The following ZNF106 variants were observed in gnomAD, a reference collection of about 807,000 sequenced individuals.
The protein encoded by ZNF106 is SH3-domain binding protein 3.
Under a neutral mutation model 195.1 loss-of-function variants are expected in ZNF106, and 67 were observed. The observed-to-expected ratio is 0.34, with a 90% CI of 0.28 to 0.42. The LOEUF is 0.42. Among genes scored for constraint, ZNF106 ranks in the 10% least tolerant of loss-of-function variants. The pLI, the probability that ZNF106 is intolerant of heterozygous loss-of-function variation, is 1.00. For synonymous variants in ZNF106, 784 were observed against 818.6 expected (o/e 0.96, Z 0.72); for missense variants, 2,118 against 2,304.5 (o/e 0.92, Z 1.66).
intron 1 of ZNF106, among the ~76,000 whole-genome samples, chr15:42,476,884 T>C (rs1249823229): frequency 6.6e-6 from 1 of 152,186 alleles, no homozygotes; most frequent in Non-Finnish European, 1.5e-5. Context: ...TTTCTCTAGC[T>C]TACTTTAAGG....
chr15:42,456,997 T>A lies in ZNF106; in HGVS notation c.278A>T (p.Glu93Val). The change falls in exon 4 of 22, where the codon GAA becomes GTA. Residue 93 changes from glutamate to valine, a missense_variant. By Grantham distance (121) the Glu-to-Val change is moderately radical (BLOSUM62 -2). Transcript: ENST00000564754. ...CCTTTGTTTTATTAACTGAATGAGTTCCTTGTCAAAATAATCTTCTTCCTC... is the reference window on the plus strand; with the variant it reads ...CCTTTGTTTTATTAACTGAATGAGTACCTTGTCAAAATAATCTTCTTCCTC... Reference protein sequence around the residue: ...EEEEEDYFDKELIQLIKQRKE... With the variant: ...EEEEEDYFDKVLIQLIKQRKE... 1 of 1,612,230 alleles carries A rather than the reference T, an allele frequency of 6.2e-7. No homozygotes were observed. Among genetic ancestry groups the A allele is most frequent in the Non-Finnish European group, 8.5e-7 (1 of 1,178,848 alleles).
chr15:42,454,627 T>C (rs2056163857), intron 4 of ZNF106, among the ~76,000 whole-genome samples: 1 of 151,942 alleles, frequency 6.6e-6, no homozygotes, highest in Non-Finnish European at 1.5e-5. Context: ...CTCATGCCTG[T>C]AATCTCAGCA....
chr15:42,424,154 C>T (rs2054768738), intron 16 of ZNF106, 94 bp from the exon 17 acceptor site: 1 of 1,117,200 alleles, frequency 9.0e-7, no homozygotes, highest in Non-Finnish European at 1.3e-6. Context: ...AATTTCCATC[C>T]TATTTTGAGA....
intron 9 of ZNF106, 146 bp downstream of exon 9, chr15:42,444,056 G>T: frequency 1.9e-6 from 1 of 536,958 alleles, no homozygotes; most frequent in Non-Finnish European, 3.2e-6. Context: ...AGGTTGCAGT[G>T]AGCAGAGATT....
chr15:42,483,497 T>A (rs2056948575), intron 1 of ZNF106, among the ~76,000 whole-genome samples: 2 of 152,148 alleles, frequency 1.3e-5, no homozygotes, highest in South Asian at 2.1e-4. Flanking sequence ...CCAGCCTACC[T>A]CAATTTTACG....
chr15:42,484,875 G>A (rs2056975841), intron 1 of ZNF106, among the ~76,000 whole-genome samples: 1 of 152,058 alleles, frequency 6.6e-6, no homozygotes, highest in Non-Finnish European at 1.5e-5. Context: ...AATACTCTGT[G>A]TTGACCAGGC....
intron 3 of ZNF106, among the ~76,000 whole-genome samples, chr15:42,457,748 CT>C: frequency 6.6e-6 from 1 of 152,286 alleles, no homozygotes; most frequent in Middle Eastern, 3.4e-3. Flanking sequence ...GATCTACATT[CT>C]GCTTCAGAAG....
Position 42,417,967 on chromosome 15 carries a change from A to T in ZNF106, c.5518-16T>A. ...AACCATGCCACTGGAGAGAAAGAAA[A>T]TGAGGAGACTCGGTGAAAAAGGGTG... On this transcript the variant is annotated splice_polypyrimidine_tract_variant and intron_variant, in intron 20 of 21. Transcript: ENST00000564754. The T allele has an allele frequency of 6.2e-7, 1 of 1,608,920 alleles. No individual in the cohort carries two copies. Among genetic ancestry groups the T allele is most frequent in the Non-Finnish European group, 8.5e-7 (1 of 1,177,614 alleles).
chr15:42,426,897 C>T (rs895139096), intron 15 of ZNF106, among the ~76,000 whole-genome samples: 2 of 152,160 alleles, frequency 1.3e-5, no homozygotes, highest in African/African-American at 4.8e-5. Context: ...TGTATCATAT[C>T]GAACAGACCA....
chr15:42,446,713 G>T lies in ZNF106; in HGVS notation c.3136-55C>A. 9.1e-6 allele frequency: 13 copies of T among 1,434,612 alleles called. No homozygotes were observed. In the South Asian group the frequency reaches 1.5e-4, roughly 17 times the overall value. The allele number at this position is 1,434,612 out of a possible 1,614,324, so 88.9% of individuals were successfully genotyped here. A position where few individuals can be genotyped will look rare whatever the true frequency, so the allele number is the denominator to read the frequency against. On this transcript the variant is annotated intron_variant, in intron 6 of 21. Coordinates refer to ENST00000564754, the MANE Select transcript of ZNF106 (RefSeq NM_001366845.3). ...CCAATGTGTAAAAGCCATTATCCAA[G>T]AGGAGAAAAAGGAATCAATTCTAAG...
In ZNF106 at chr15:42,424,993, A is replaced by G; in HGVS notation, c.5031T>C (p.His1677=). 6 of 1,614,218 alleles carry G rather than the reference A, an allele frequency of 3.7e-6. No individual in the cohort carries two copies. The highest frequency in any genetic ancestry group is 5.1e-6 in the Non-Finnish European group (6 of 1,180,026). Residue 1677 remains histidine (H), a synonymous_variant, in exon 16 of 22, where the codon CAT becomes CAC. Coordinates refer to ENST00000564754, the MANE Select transcript of ZNF106 (RefSeq NM_001366845.3). ...CAAGACAGCTGACTGCCCGAGGGCCATGGCATTCAAAGATCTCAAGTCGTT... is the reference window on the plus strand; with the variant it reads ...CAAGACAGCTGACTGCCCGAGGGCCGTGGCATTCAAAGATCTCAAGTCGTT... ...NNKRLEIFEC[H]GPRAVSCLAT...
chr15:42,424,613 G>T, intron 16 of ZNF106: 1 of 476,512 alleles, frequency 2.1e-6, no homozygotes, highest in Non-Finnish European at 3.8e-6. Flanking sequence ...AGCCTCATAA[G>T]TAGTACAGGT....
chr15:42,465,559 G>A (rs751691599), intron 3 of ZNF106, among the ~76,000 whole-genome samples: 4 of 149,256 alleles, frequency 2.7e-5, no homozygotes, highest in Non-Finnish European at 6.0e-5. Context: ...TTACAAGCGT[G>A]AGCCACTGCA....
At position 42,449,834 on chromosome 15, in the gene ZNF106, T is replaced by A; in HGVS notation, c.2438A>T (p.Asn813Ile). Residue 813 changes from asparagine to isoleucine, a missense_variant, in exon 5 of 22, where the codon AAC becomes ATC. Physicochemically the swap from Asn to Ile is moderately radical, Grantham distance 149. Transcript: ENST00000564754. ...QILNASRRNV[N>I]WEQVIQQVTK... The stretch of plus-strand genomic sequence containing the variant: ...TACTTGCTGAATGACCTGTTCCCAG[T>A]TGACATTTCTCCGAGATGCATTTAG... The A allele has an allele frequency of 1.2e-6, 2 of 1,614,230 alleles. No individual in the cohort carries two copies. Among genetic ancestry groups the A allele is most frequent in the Non-Finnish European group, 1.7e-6 (2 of 1,180,032 alleles).
intron 3 of ZNF106, among the ~76,000 whole-genome samples, chr15:42,464,712 G>A (rs2056474859): frequency 1.3e-5 from 2 of 151,508 alleles, no homozygotes; most frequent in Non-Finnish European, 2.9e-5. Flanking sequence ...GTTTTTTGTG[G>A]GGCAGGGGAT....
intron 2 of ZNF106, among the ~76,000 whole-genome samples, chr15:42,468,139 G>A (rs557998224): frequency 2.2e-4 from 31 of 140,390 alleles, no homozygotes; most frequent in African/African-American, 8.0e-4. Flanking sequence ...GCAGCGGCTC[G>A]ATCTCGGCTC....
At chr15:42,420,619 T>G (rs1434722359) in intron 20 of ZNF106, among the ~76,000 whole-genome samples, 5 of 152,126 alleles carry the variant, frequency 3.3e-5, no homozygotes, top group African/African-American at 4.8e-5. Context: ...TAAGAAATAG[T>G]GTGAAAATTT....
At chr15:42,444,385 C>A (rs2055684176) in intron 8 of ZNF106, 123 bp from the exon 9 acceptor site, 1 of 703,060 alleles carries the variant, frequency 1.4e-6, no homozygotes, top group East Asian at 2.8e-5. Context: ...GTGACCCAGC[C>A]AGCCGCAGGT....
intron 10 of ZNF106, among the ~76,000 whole-genome samples, chr15:42,440,692 T>C (rs1489754698): frequency 1.3e-5 from 2 of 151,778 alleles, no homozygotes; most frequent in African/African-American, 4.8e-5. Flanking sequence ...TTTTTAAAAA[T>C]ATGCTAGGGG....
Sources: gnomAD v4.1 joint callset for allele counts (sites outside exome capture counted in the v4.1 genomes callset) on GRCh38, gnomAD v4.1.1 for gene constraint, MANE v1.5 for transcripts, NCBI Gene and HGNC (gene_info 2026-07-23, HGNC 2026-07-21) for gene names.